The following GRIA1 variants were observed in gnomAD, a reference collection of about 807,000 sequenced individuals.
GRIA1 encodes glutamate ionotropic receptor AMPA type subunit 1.
GRIA1 carries 31 observed loss-of-function variants against 99.2 expected under a neutral mutation model. The ratio of observed to expected loss-of-function variants is 0.31; its 90% CI spans 0.23 to 0.42. GRIA1 has a LOEUF of 0.42. Among genes scored for constraint, GRIA1 ranks in the 10% least tolerant of loss-of-function variants. The pLI, the probability that GRIA1 is intolerant of heterozygous loss-of-function variation, is 1.00. For missense variants in GRIA1, 782 were observed against 1,157.5 expected (o/e 0.68, Z 4.71); for synonymous variants, 438 against 432.4 (o/e 1.01, Z -0.16).
chr5:153,665,367 G>A (rs1755670370), intron 5 of GRIA1, among the ~76,000 whole-genome samples: 1 of 152,174 alleles, frequency 6.6e-6, no homozygotes, highest in Admixed American at 6.5e-5. Flanking sequence ...AACTGGATAA[G>A]TCAACACGAA....
chr5:153,550,490 C>T (rs756067578), intron 2 of GRIA1, among the ~76,000 whole-genome samples: 1 of 152,018 alleles, frequency 6.6e-6, no homozygotes, highest in Non-Finnish European at 1.5e-5. Context: ...AATGGCACAA[C>T]TGGTTGGATG....
At chr5:153,699,950 A>G (rs1758396946) in intron 10 of GRIA1, among the ~76,000 whole-genome samples, 1 of 152,214 alleles carries the variant, frequency 6.6e-6, no homozygotes, top group African/African-American at 2.4e-5. Context: ...TTAACATTTT[A>G]TGGGGTAGAA....
chr5:153,804,721 A>G (rs1766299810), intron 15 of GRIA1, among the ~76,000 whole-genome samples: 1 of 66,194 alleles, frequency 1.5e-5, no homozygotes, highest in South Asian at 7.4e-4. Context: ...TTATTAATTA[A>G]TTAATTAATT....
At chr5:153,671,307 A>G (rs974857000) in intron 5 of GRIA1, among the ~76,000 whole-genome samples, 2 of 152,192 alleles carry the variant, frequency 1.3e-5, no homozygotes, top group African/African-American at 4.8e-5. Flanking sequence ...TTTTCAAGAG[A>G]CAGAATTTGA....
intron 2 of GRIA1, chr5:153,525,450 C>G (rs1047189306): frequency 6.6e-6 from 1 of 152,040 alleles, no homozygotes; most frequent in African/African-American, 2.4e-5. Flanking sequence ...CCCCTCAAAA[C>G]ATCTCATGTA....
chr5:153,770,107 T>A, intron 12 of GRIA1, 61 bp from the exon 13 acceptor site: 1 of 1,564,450 alleles, frequency 6.4e-7, no homozygotes, highest in Non-Finnish European at 8.8e-7. Context: ...TCTTCATTAA[T>A]GTGTGCACCG....
intron 2 of GRIA1, among the ~76,000 whole-genome samples, chr5:153,620,428 T>C (rs2149421632): frequency 6.6e-6 from 1 of 152,308 alleles, no homozygotes; most frequent in Admixed American, 6.5e-5. Flanking sequence ...TGTAGACTTA[T>C]CTGATCCAGA....
intron 2 of GRIA1, among the ~76,000 whole-genome samples, chr5:153,617,516 T>A (rs936531047): frequency 1.3e-5 from 2 of 152,196 alleles, no homozygotes; most frequent in African/African-American, 4.8e-5. Flanking sequence ...AGTCCTTTGC[T>A]AGGGTTGTAC....
At chr5:153,701,960 C>G (rs1276042958) in intron 10 of GRIA1, among the ~76,000 whole-genome samples, 2 of 152,188 alleles carry the variant, frequency 1.3e-5, no homozygotes, top group Non-Finnish European at 2.9e-5. Flanking sequence ...TACTCACATT[C>G]TTTCATTTAC....
chr5:153,646,865 T>C, intron 2 of GRIA1, 63 bp from the exon 3 acceptor site: 2 of 1,572,432 alleles, frequency 1.3e-6, no homozygotes, highest in Non-Finnish European at 8.7e-7. Flanking sequence ...GATGGATTCA[T>C]TTTGGAGTCA....
intron 7 of GRIA1, among the ~76,000 whole-genome samples, chr5:153,678,968 C>G (rs1229206713): frequency 6.8e-6 from 1 of 148,138 alleles, no homozygotes; most frequent in Non-Finnish European, 1.5e-5. Context: ...AAAATTCAAA[C>G]AGTCTAATTT....
intron 2 of GRIA1, among the ~76,000 whole-genome samples, chr5:153,523,950 C>T (rs781353630): frequency 9.2e-5 from 14 of 152,262 alleles, no homozygotes; most frequent in South Asian, 4.1e-4. Context: ...TCTTAGGCAA[C>T]GGTTCTCAAG....
In GRIA1 at chr5:153,705,793, A is replaced by G. The variant is rs1417567802; in HGVS notation, c.1549A>G (p.Met517Val). 6.2e-7 allele frequency: 1 copy of G among 1,611,014 alleles called. No individual in the cohort carries two copies. Among genetic ancestry groups the G allele is most frequent in the East Asian group, 2.2e-5 (1 of 44,672 alleles). ...KPFMSLGISI[M>V]IKKPQKSKPG... ...ATTTATGAGTTTGGGGATCTCCATC[A>G]TGATTAAAAAACCACAGAAATCCAA... The change falls in exon 11 of 16, where the codon ATG becomes GTG. Residue 517 changes from methionine (M) to valine (V), a missense_variant. Physicochemically the swap from Met to Val is conservative, Grantham distance 21. Transcript: ENST00000285900.
At chr5:153,683,173 A>G (rs17115018) in intron 7 of GRIA1, among the ~76,000 whole-genome samples, 25,821 of 152,118 alleles carry the variant, frequency 0.17, 2,481 homozygotes, top group African/African-American at 0.25. Context: ...TTCAAGATAC[A>G]CATTTCTGAG....
At chr5:153,696,854 G>A (rs1758141411) in intron 8 of GRIA1, among the ~76,000 whole-genome samples, 1 of 102,588 alleles carries the variant, frequency 9.7e-6, no homozygotes, top group African/African-American at 3.8e-5. Flanking sequence ...TATAGCTTTA[G>A]GGTGTGTATG....
intron 11 of GRIA1, among the ~76,000 whole-genome samples, chr5:153,718,583 A>G (rs543847836): frequency 6.6e-6 from 1 of 152,288 alleles, no homozygotes; most frequent in Non-Finnish European, 1.5e-5. Context: ...AGGTCCATTC[A>G]TACCAATATC....
At chr5:153,491,453 A>G in intron 1 of GRIA1, 1 of 290,562 alleles carries the variant, frequency 3.4e-6, no homozygotes, top group Admixed American at 6.0e-5. Flanking sequence ...ACCCTCGAGA[A>G]GAAGGAGTGA....
At position 153,813,842 on chromosome 5, in the gene GRIA1, C is replaced by T. The variant is rs372477049; in HGVS notation, c.*2617C>T. 2.0e-5 allele frequency: 3 copies of T among 152,094 alleles called. No homozygotes were observed. The highest frequency in any genetic ancestry group is 2.1e-4 in the South Asian group (1 of 4,818). The allele number at this position is 152,094 out of a possible 1,614,324, so 9.4% of individuals were successfully genotyped here. On this transcript the variant is annotated 3_prime_UTR_variant, in exon 16 of 16. Coordinates refer to ENST00000285900, the MANE Select transcript of GRIA1 (RefSeq NM_000827.4). The stretch of plus-strand genomic sequence containing the variant: ...TATTTGCATAAAATGAAAATATCAC[C>T]GAATATTAAATCACTGTGGATCCAT...
At chr5:153,528,742 T>C (rs1235181318) in intron 2 of GRIA1, among the ~76,000 whole-genome samples, 1 of 152,256 alleles carries the variant, frequency 6.6e-6, no homozygotes, top group Non-Finnish European at 1.5e-5. Context: ...CCTCTCATAG[T>C]AGACATCACA....
Sources: gnomAD v4.1 joint callset for allele counts (sites outside exome capture counted in the v4.1 genomes callset) on GRCh38, gnomAD v4.1.1 for gene constraint, MANE v1.5 for transcripts, NCBI Gene and HGNC (gene_info 2026-07-23, HGNC 2026-07-21) for gene names.